Variants in SLC9A8 observed in about 807,000 individuals in gnomAD.
SLC9A8 encodes sodium/hydrogen exchanger 8.
In SLC9A8, 48 loss-of-function variants were observed where a neutral mutation model predicts 66.6. The observed-to-expected ratio is 0.72, with a 90% CI of 0.57 to 0.92. SLC9A8 has a LOEUF of 0.92. Ranked by LOEUF, SLC9A8 falls within the 40% of genes least tolerant of loss-of-function variation. The pLI is 0.00. For missense variants in SLC9A8, 599 were observed against 747.3 expected (o/e 0.80, Z 2.31); for synonymous variants, 274 against 282.6 (o/e 0.97, Z 0.31).
rs745604399 is a variant in SLC9A8, at chr20:49,886,727, C to G, written c.1492-25C>G. 3.1e-6 allele frequency: 5 copies of G among 1,602,692 alleles called. No homozygotes were observed. The highest frequency in any genetic ancestry group is 3.4e-6 in the Non-Finnish European group (4 of 1,173,470). On this transcript the variant is annotated intron_variant, in intron 14 of 15. Coordinates refer to ENST00000361573, the MANE Select transcript of SLC9A8 (RefSeq NM_015266.3). This position sits in a 1 kb window ranked among gnomAD's most constrained non-coding sequence, Gnocchi z 4.8. ...CCCGATGGTGCCAGCTGGTGGCCGT[C>G]GGGCCGCCTTTCCTCCCTGCTCAGG...
At chr20:49,813,566 C>G (rs2086438085) in intron 1 of SLC9A8, among the ~76,000 whole-genome samples, 1 of 152,138 alleles carries the variant, frequency 6.6e-6, no homozygotes. Flanking sequence ...GAACGCTAAG[C>G]ATGTGGGAGT....
intron 7 of SLC9A8, among the ~76,000 whole-genome samples, chr20:49,854,538 A>G (rs2088388397): frequency 7.7e-6 from 1 of 129,704 alleles, no homozygotes; most frequent in Non-Finnish European, 1.6e-5. Context: ...TTCCCACGTC[A>G]CCTCAATTGA....
chr20:49,812,869 CG>C lies in SLC9A8; in HGVS notation c.-51del. ...CTCCAGCGGAAGCCGGAAGCAAAAGCGGGTCCTGCTAGCCCCGCGGCTCCGA... is the reference window on the plus strand; with the variant it reads ...CTCCAGCGGAAGCCGGAAGCAAAAGCGGTCCTGCTAGCCCCGCGGCTCCGA... On this transcript the variant is annotated 5_prime_UTR_variant, in exon 1 of 16. Transcript: ENST00000361573. The C allele has an allele frequency of 6.7e-7, 1 of 1,492,716 alleles. No homozygotes were observed. The allele number at this position is 1,492,716 out of a possible 1,614,324, so 92.5% of individuals were successfully genotyped here. A position where few individuals can be genotyped will look rare whatever the true frequency, so the allele number is the denominator to read the frequency against.
chr20:49,861,318 C>T (rs990226506), intron 8 of SLC9A8, among the ~76,000 whole-genome samples: 9 of 152,030 alleles, frequency 5.9e-5, no homozygotes, highest in African/African-American at 1.2e-4. Context: ...TTGAGGCAGG[C>T]GAATCACTTG....
At chr20:49,831,402 ACTCTCTCTCTCTCT>A (rs11469884) in intron 3 of SLC9A8, among the ~76,000 whole-genome samples, 2 of 142,748 alleles carry the variant, frequency 1.4e-5, no homozygotes, top group Non-Finnish European at 3.1e-5. Flanking sequence ...ACACACACAC[ACTCTCTCTCTCTCT>A]CTCTCTCTCT....
chr20:49,860,888 A>C (rs2088702917), intron 8 of SLC9A8, among the ~76,000 whole-genome samples: 1 of 152,218 alleles, frequency 6.6e-6, no homozygotes, highest in South Asian at 2.1e-4. Context: ...GGCAGCGAAC[A>C]AGATGGACAC....
Position 49,815,040 on chromosome 20 carries a change from A to C in SLC9A8, c.59A>C (p.Asn20Thr). 1 of 1,600,222 alleles carries C rather than the reference A, an allele frequency of 6.2e-7. No homozygotes were observed. Among genetic ancestry groups the C allele is most frequent in the South Asian group, 1.1e-5 (1 of 89,038 alleles). The change falls in exon 2 of 16, where the codon AAT becomes ACT. Residue 20 changes from asparagine (N) to threonine (T), a missense_variant. Coordinates refer to ENST00000361573, the MANE Select transcript of SLC9A8 (RefSeq NM_015266.3). ...RFPNTTHEGF[N>T]VTLHTTLVVT... Reference sequence around the variant, plus strand: ...CCCAATACAACTCATGAGGGTTTCAATGTCACCCTCCACACCACCCTGGTT... The same window carrying C: ...CCCAATACAACTCATGAGGGTTTCACTGTCACCCTCCACACCACCCTGGTT...
chr20:49,824,902 G>A (rs529597996), intron 3 of SLC9A8, among the ~76,000 whole-genome samples: 11 of 152,274 alleles, frequency 7.2e-5, no homozygotes, highest in African/African-American at 2.6e-4. Context: ...TCTGGCCAGT[G>A]ACACCAAGGG....
At chr20:49,880,263 C>CA (rs3067561) in intron 12 of SLC9A8, among the ~76,000 whole-genome samples, 60,623 of 129,354 alleles carry the variant, frequency 0.47, 14,878 homozygotes, top group East Asian at 0.75. Flanking sequence ...GACTTTGTCT[C>CA]AAAAAAAAAA....
intron 2 of SLC9A8, among the ~76,000 whole-genome samples, chr20:49,817,884 A>G (rs1255486191): frequency 6.6e-6 from 1 of 152,230 alleles, no homozygotes; most frequent in Non-Finnish European, 1.5e-5. Flanking sequence ...TTGTGATAGT[A>G]GTCGAAGACA....
chr20:49,849,485 C>A, intron 5 of SLC9A8, 94 bp from the exon 6 acceptor site: 1 of 938,216 alleles, frequency 1.1e-6, no homozygotes, highest in South Asian at 1.4e-5. Context: ...TACAGAGAAT[C>A]AAGTCTGCAC....
At chr20:49,882,497 T>G (rs2146759107) in intron 13 of SLC9A8, among the ~76,000 whole-genome samples, 1 of 152,352 alleles carries the variant, frequency 6.6e-6, no homozygotes, top group East Asian at 1.9e-4. Flanking sequence ...CTTCAGGACT[T>G]GGCCCCAGCC....
chr20:49,831,272 G>C (rs1030790329), intron 3 of SLC9A8, among the ~76,000 whole-genome samples: 3 of 152,182 alleles, frequency 2.0e-5, no homozygotes, highest in Non-Finnish European at 4.4e-5. Flanking sequence ...GGTATGGAGG[G>C]GATGAGTGTC....
intron 2 of SLC9A8, among the ~76,000 whole-genome samples, chr20:49,819,753 G>T (rs547613220): frequency 6.6e-6 from 1 of 152,090 alleles, no homozygotes; most frequent in East Asian, 1.9e-4. Context: ...CTGTCTCTAG[G>T]AATTTGCCTA....
At chr20:49,824,093 T>G (rs2086836538) in intron 3 of SLC9A8, among the ~76,000 whole-genome samples, 1 of 152,224 alleles carries the variant, frequency 6.6e-6, no homozygotes, top group Non-Finnish European at 1.5e-5. Flanking sequence ...CAGACTCTCC[T>G]GTATTTTCCC....
chr20:49,887,017 G>T (rs544724810), intron 15 of SLC9A8, 119 bp downstream of exon 15: 1 of 1,138,442 alleles, frequency 8.8e-7, no homozygotes, highest in Non-Finnish European at 1.2e-6. Flanking sequence ...ACGTGGGCCC[G>T]CCAGGCCGCC....
At chr20:49,865,295 A>G (rs565181344) in intron 10 of SLC9A8, among the ~76,000 whole-genome samples, 31 of 152,036 alleles carry the variant, frequency 2.0e-4, no homozygotes, top group Non-Finnish European at 4.1e-4. Flanking sequence ...CTCTAATACA[A>G]CTCCCTCCAA....
At position 49,862,941 on chromosome 20, in the gene SLC9A8, T is replaced by C. The variant is rs1173619308; in HGVS notation, c.726T>C (p.Gly242=). 6.2e-7 allele frequency: 1 copy of C among 1,612,342 alleles called. No homozygotes were observed. The highest frequency in any genetic ancestry group is 8.5e-7 in the Non-Finnish European group (1 of 1,178,656). The part of the protein sequence containing the change: ...VSIVLTNTAE[G]LTRKNMSDVS... The stretch of plus-strand genomic sequence containing the variant: ...TTTCATTTCCTAGCACAGCTGAAGG[T>C]TTAACAAGAAAAAATATGTCAGATG... Residue 242 remains glycine, a synonymous_variant, in exon 9 of 16, where the codon GGT becomes GGC. Coordinates refer to ENST00000361573, the MANE Select transcript of SLC9A8 (RefSeq NM_015266.3).
At chr20:49,866,128 G>A (rs1364729551) in intron 10 of SLC9A8, among the ~76,000 whole-genome samples, 1 of 152,172 alleles carries the variant, frequency 6.6e-6, no homozygotes, top group Admixed American at 6.5e-5. Flanking sequence ...CCACCTGCCT[G>A]TCCTGAGCCC....
Sources: allele counts gnomAD v4.1 joint callset (sites outside exome capture counted in the v4.1 genomes callset), GRCh38; gene constraint gnomAD v4.1.1; non-coding constraint Gnocchi (gnomAD v3.1); transcripts MANE v1.5; gene names NCBI Gene and HGNC (gene_info 2026-07-23, HGNC 2026-07-21).